ELOA: variants seen among roughly 807,000 people sequenced by gnomAD.
The protein encoded by ELOA is elongin A, also known as elongin-A.
Under a neutral mutation model 85.2 loss-of-function variants are expected in ELOA, and 15 were observed. That is an observed-to-expected ratio of 0.18 (90% CI 0.12 to 0.27). The LOEUF is 0.27. ELOA is among the 10% of genes least tolerant of loss of function. ELOA has a pLI of 1.00. For synonymous variants in ELOA, 348 were observed against 357.2 expected (o/e 0.97, Z 0.29); for missense variants, 769 against 952.7 (o/e 0.81, Z 2.54).
At position 23,756,847 on chromosome 1, in the gene ELOA, A is replaced by G. The variant is rs191954301; in HGVS notation, c.2085-106A>G. On this transcript the variant is annotated intron_variant, in intron 9 of 10. Coordinates refer to ENST00000613537, the MANE Select transcript of ELOA (RefSeq NM_003198.3). Reference sequence around the variant, plus strand: ...CAGGGTGATAGGGTCCATTGGTCAAAGCCACAAACAGGGTGAGTCATCCTC... The same window carrying G: ...CAGGGTGATAGGGTCCATTGGTCAAGGCCACAAACAGGGTGAGTCATCCTC... 1.3e-5 allele frequency: 16 copies of G among 1,206,132 alleles called. 1 individual carries two copies. In the Admixed American group the frequency reaches 4.5e-4, roughly 34 times the overall value. 74.7% of individuals were successfully genotyped at this position (1,206,132 alleles called of 1,614,324 possible).
intron 5 of ELOA, among the ~76,000 whole-genome samples, chr1:23,753,404 T>C (rs1644781337): frequency 6.6e-6 from 1 of 152,198 alleles, no homozygotes; most frequent in African/African-American, 2.4e-5. Context: ...GTTTATCACA[T>C]AGTAATTGTT....
intron 5 of ELOA, 65 bp downstream of exon 5, chr1:23,752,583 A>G: frequency 6.9e-7 from 1 of 1,450,130 alleles, no homozygotes. Flanking sequence ...AAGGCAGGGT[A>G]CAGTGGCTCA....
chr1:23,752,127 TG>T lies in ELOA; in HGVS notation c.1425+103del, dbSNP rs958511621. The T allele has an allele frequency of 6.4e-6, 8 of 1,246,998 alleles. No individual in the cohort carries two copies. In the African/African-American group the frequency reaches 9.2e-5, roughly 14 times the overall value. The allele number at this position is 1,246,998 out of a possible 1,614,324, so 77.2% of individuals were successfully genotyped here. On this transcript the variant is annotated intron_variant, in intron 4 of 10. Coordinates refer to ENST00000613537, the MANE Select transcript of ELOA (RefSeq NM_003198.3). ...GCCACTGTTTTCCTTAGCTTGCTTT[TG>T]GGGGGCATGTTGAATTTCAGTGTGC...
chr1:23,744,277 G>A (rs1323760192), intron 1 of ELOA: 2 of 152,234 alleles, frequency 1.3e-5, no homozygotes, highest in East Asian at 3.8e-4. Flanking sequence ...GAAGGTAAGA[G>A]CTACCGTTTC....
At chr1:23,745,254 T>C (rs924168377) in intron 1 of ELOA, among the ~76,000 whole-genome samples, 1 of 152,228 alleles carries the variant, frequency 6.6e-6, no homozygotes, top group African/African-American at 2.4e-5. Context: ...ATGGTCATTA[T>C]TTTTTAGTAC....
In ELOA at chr1:23,751,999, C is replaced by T. The variant is rs1010162290; in HGVS notation, c.1394C>T (p.Pro465Leu). ...PKVNKTKSEKPAGADLAKLRK... is the reference protein window; with the variant it reads ...PKVNKTKSEKLAGADLAKLRK... ...GTGAACAAAACCAAGTCAGAGAAGCCGGCTGGAGCTGATTTAGCCAAGCTG... is the reference window on the plus strand; with the variant it reads ...GTGAACAAAACCAAGTCAGAGAAGCTGGCTGGAGCTGATTTAGCCAAGCTG... Residue 465 changes from proline to leucine, a missense_variant, in exon 4 of 11, where the codon CCG (proline) becomes CTG (leucine). Pro to Leu is a moderately conservative substitution (Grantham distance 98, BLOSUM62 -3). Coordinates refer to ENST00000613537, the MANE Select transcript of ELOA (RefSeq NM_003198.3). 8.7e-6 allele frequency: 14 copies of T among 1,603,278 alleles called. No individual in the cohort carries two copies. The highest frequency in any genetic ancestry group is 2.2e-5 in the East Asian group (1 of 44,846).
rs767563828 is a variant in ELOA at position 23,751,666 on chromosome 1, C to G, written c.1061C>G (p.Ala354Gly). Residue 354 changes from alanine (A) to glycine (G), a missense_variant, in exon 4 of 11, where the codon GCA becomes GGA. Physicochemically the swap from Ala to Gly is moderately conservative, Grantham distance 60 (BLOSUM62 0). This residue lies in a region of ELOA where 440 missense variants were observed against 474.0 expected (regional missense o/e 0.93). Coordinates refer to ENST00000613537, the MANE Select transcript of ELOA (RefSeq NM_003198.3). ...GACAGCTTTGACACAGGAAAAGGAG[C>G]AGGAGACCTGTTGCCCAAGGTAAAA... ...GLDSFDTGKG[A>G]GDLLPKVKEK... 6.2e-7 allele frequency: 1 copy of G among 1,614,144 alleles called. No homozygotes were observed. The highest frequency in any genetic ancestry group is 2.2e-5 in the East Asian group (1 of 44,884).
At chr1:23,756,594 G>T (rs919070219) in intron 9 of ELOA, among the ~76,000 whole-genome samples, 4 of 152,156 alleles carry the variant, frequency 2.6e-5, no homozygotes, top group African/African-American at 9.7e-5. Flanking sequence ...CTGCCCTAGG[G>T]TAGTCAAGAT....
chr1:23,754,185 G>A lies in ELOA; in HGVS notation c.1623G>A (p.Lys541=). Residue 541 remains lysine, a synonymous_variant, in exon 6 of 11, where the codon AAG becomes AAA. Coordinates refer to ENST00000613537, the MANE Select transcript of ELOA (RefSeq NM_003198.3). ...AGATGCAGGTGTATTCTGGTTCCAAGTGTGCCTATCTCCCTAAAATGATGA... is the reference window on the plus strand; with the variant it reads ...AGATGCAGGTGTATTCTGGTTCCAAATGTGCCTATCTCCCTAAAATGATGA... The part of the protein sequence containing the change: ...NSKMQVYSGS[K]CAYLPKMMTL... 6.2e-7 allele frequency: 1 copy of A among 1,614,214 alleles called. No homozygotes were observed. The highest frequency in any genetic ancestry group is 1.1e-5 in the South Asian group (1 of 91,086).
At chr1:23,759,294 A>G (rs1049914778) in intron 10 of ELOA, among the ~76,000 whole-genome samples, 1 of 152,260 alleles carries the variant, frequency 6.6e-6, no homozygotes, top group African/African-American at 2.4e-5. Context: ...GCAGGTGGTT[A>G]GAGAGAGTGG....
chr1:23,753,987 A>G (rs1557454784), intron 5 of ELOA, 113 bp from the exon 6 acceptor site: 2 of 1,345,078 alleles, frequency 1.5e-6, no homozygotes, highest in East Asian at 4.7e-5. Context: ...AAGGATCTAC[A>G]AAAATCTGTA....
rs370644824 is a variant in ELOA, at chr1:23,756,389, A to G, written c.2084+4A>G. On this transcript the variant is annotated splice_donor_region_variant and intron_variant, in intron 9 of 10. Transcript: ENST00000613537. ...CAGCTGTCCCTGAGAAAATCAAGTAAGATCTGTGTTCTTACCTGGCTTTTG... is the reference window on the plus strand; with the variant it reads ...CAGCTGTCCCTGAGAAAATCAAGTAGGATCTGTGTTCTTACCTGGCTTTTG... 3 of 1,564,244 alleles carry G rather than the reference A, an allele frequency of 1.9e-6. No individual in the cohort carries two copies. Among genetic ancestry groups the G allele is most frequent in the Non-Finnish European group, 2.6e-6 (3 of 1,153,546 alleles).
At position 23,751,309 on chromosome 1, in the gene ELOA, G is replaced by A. The variant is rs1269149754; in HGVS notation, c.704G>A (p.Gly235Glu). 1.2e-6 allele frequency: 2 copies of A among 1,614,084 alleles called. No homozygotes were observed. Among genetic ancestry groups the A allele is most frequent in the Non-Finnish European group, 1.7e-6 (2 of 1,180,048 alleles). The change falls in exon 4 of 11, where the codon GGG (glycine) becomes GAG (glutamate). Residue 235 changes from glycine to glutamate, a missense_variant. By Grantham distance (98) the Gly-to-Glu change is moderately conservative. Transcript: ENST00000613537. ...GAACGACACCTGGGTGAACCCCATG[G>A]GAAAGGGGTTGTGAGTCAAAACAAG... is the stretch of plus-strand genomic sequence containing the variant. ...SQERHLGEPH[G>E]KGVVSQNKEH...
Position 23,754,216 on chromosome 1 carries a change from C to A in ELOA, c.1654C>A (p.His552Asn), listed in dbSNP as rs915291244. 3 of 1,614,222 alleles carry A rather than the reference C, an allele frequency of 1.9e-6. No individual in the cohort carries two copies. Among genetic ancestry groups the A allele is most frequent in the Middle Eastern group, 1.6e-4 (1 of 6,062 alleles). The change falls in exon 6 of 11, where the codon CAC (histidine) becomes AAC (asparagine). Residue 552 changes from histidine (H) to asparagine (N), a missense_variant. By Grantham distance (68) the His-to-Asn change is moderately conservative (BLOSUM62 1). Transcript: ENST00000613537. ...CAYLPKMMTL[H>N]QQCIRVLKNN... Reference sequence around the variant, plus strand: ...CTATCTCCCTAAAATGATGACCTTGCACCAGCAATGCATCCGAGTACTTAA... The same window carrying A: ...CTATCTCCCTAAAATGATGACCTTGAACCAGCAATGCATCCGAGTACTTAA...
rs767651611 is a variant in ELOA at position 23,756,326 on chromosome 1, C to A, written c.2025C>A (p.Asp675Glu). 3 of 1,580,988 alleles carry A rather than the reference C, an allele frequency of 1.9e-6. No individual in the cohort carries two copies. The East Asian group carries it at 6.9e-5, about 36-fold the overall frequency. ...FVNSVAKPPR[D>E]VRRRQEKFGT... ...ACTCTGTGGCCAAGCCACCTCGTGACGTCCGGAGGAGGCAGGAAAAGTTTG... is the reference window on the plus strand; with the variant it reads ...ACTCTGTGGCCAAGCCACCTCGTGAAGTCCGGAGGAGGCAGGAAAAGTTTG... Residue 675 changes from aspartate (D) to glutamate (E), a missense_variant, in exon 9 of 11, where the codon GAC becomes GAA. This residue lies in a region of ELOA where 116 missense variants were observed against 141.0 expected (regional missense o/e 0.82). Transcript: ENST00000613537.
At chr1:23,754,290 AT>A (rs780973697) in intron 6 of ELOA, 35 bp downstream of exon 6, 1 of 1,614,100 alleles carries the variant, frequency 6.2e-7, no homozygotes, top group South Asian at 1.1e-5. Flanking sequence ...TCTCAAGCAC[AT>A]TGTAGCACTT....
At chr1:23,759,312 G>A (rs569838807) in intron 10 of ELOA, among the ~76,000 whole-genome samples, 200 bp from the exon 11 acceptor site, 2 of 152,368 alleles carry the variant, frequency 1.3e-5, no homozygotes, top group South Asian at 4.1e-4. Flanking sequence ...TGGTGGTCAT[G>A]CCCCTGGCAG....
intron 1 of ELOA, among the ~76,000 whole-genome samples, chr1:23,748,290 TTGACTTATTCAAGATCAC>T (rs760085092): frequency 2.0e-5 from 3 of 151,528 alleles, no homozygotes; most frequent in Non-Finnish European, 4.4e-5. Context: ...GGGGAGGTTT[TTGACTTATTCAAGATCAC>T]TCATCGAGTG....
intron 10 of ELOA, among the ~76,000 whole-genome samples, chr1:23,757,523 G>C (rs1644800227): frequency 6.6e-6 from 1 of 152,142 alleles, no homozygotes; most frequent in Admixed American, 6.5e-5. Context: ...TTTTGAGATG[G>C]AGTCTCGCTC....
Sources: allele counts gnomAD v4.1 joint callset (sites outside exome capture counted in the v4.1 genomes callset), GRCh38; gene constraint gnomAD v4.1.1; regional missense constraint gnomAD v4.1.1; transcripts MANE v1.5; gene names NCBI Gene and HGNC (gene_info 2026-07-23, HGNC 2026-07-21).